Variants in TRIB2 observed in about 807,000 individuals in gnomAD.
The protein encoded by TRIB2 is tribbles homolog 2.
Under a neutral mutation model 26.8 loss-of-function variants are expected in TRIB2, and 2 were observed. The ratio of observed to expected loss-of-function variants is 0.07; its 90% CI spans 0.03 to 0.24. The LOEUF (loss-of-function observed/expected upper bound fraction) is 0.24. Among genes scored for constraint, TRIB2 ranks in the 10% least tolerant of loss-of-function variants. The pLI, the probability that TRIB2 is intolerant of heterozygous loss-of-function variation, is 1.00. For missense variants in TRIB2, 306 were observed against 449.0 expected (o/e 0.68, Z 2.88); for synonymous variants, 189 against 187.3 (o/e 1.01, Z -0.08).
In TRIB2 at chr2:12,741,044, A is replaced by G. The variant is rs577722874; in HGVS notation, c.*250A>G. On this transcript the variant is annotated 3_prime_UTR_variant, in exon 3 of 3. Coordinates refer to ENST00000155926, the MANE Select transcript of TRIB2 (RefSeq NM_021643.4). ...CTTGTCTTCCCTAACATAGCCTGGG[A>G]GACCACCCCTTGCCACTTGGGCCAC... The G allele has an allele frequency of 4.1e-6, 2 of 483,204 alleles. No individual in the cohort carries two copies. The highest frequency in any genetic ancestry group is 5.9e-5 in the South Asian group (2 of 33,876). 29.9% of individuals were successfully genotyped at this position (483,204 alleles called of 1,614,324 possible).
At chr2:12,719,648 C>T (rs186142524) in intron 1 of TRIB2, among the ~76,000 whole-genome samples, 3 of 149,852 alleles carry the variant, frequency 2.0e-5, no homozygotes, top group Admixed American at 1.3e-4. Context: ...TCACTGGGCA[C>T]GGTTGTGCTG....
At position 12,718,488 on chromosome 2, in the gene TRIB2, A is replaced by G; in HGVS notation, c.181A>G (p.Ile61Val). 1 of 1,614,152 alleles carries G rather than the reference A, an allele frequency of 6.2e-7. No homozygotes were observed. Among genetic ancestry groups the G allele is most frequent in the Non-Finnish European group, 8.5e-7 (1 of 1,180,032 alleles). ...TPNLSHCVSCIGKYLLLEPLE... is the reference protein window; with the variant it reads ...TPNLSHCVSCVGKYLLLEPLE... Reference sequence around the variant, plus strand: ...GAACTTGTCGCATTGCGTTTCTTGTATCGGGAAATACTTATTGTTGGAACC... The same window carrying G: ...GAACTTGTCGCATTGCGTTTCTTGTGTCGGGAAATACTTATTGTTGGAACC... The change falls in exon 1 of 3, where the codon ATC becomes GTC. Residue 61 changes from isoleucine (I) to valine (V), a missense_variant. Physicochemically the swap from Ile to Val is conservative, Grantham distance 29 (BLOSUM62 3). This residue lies in a region of TRIB2 where 99 missense variants were observed against 106.5 expected (regional missense o/e 0.93). Transcript: ENST00000155926. This position sits in a 1 kb window ranked among gnomAD's most constrained non-coding sequence, Gnocchi z 4.0.
At chr2:12,739,861 T>G (rs1179188944) in intron 2 of TRIB2, among the ~76,000 whole-genome samples, 5 of 152,226 alleles carry the variant, frequency 3.3e-5, no homozygotes, top group Non-Finnish European at 7.3e-5. Context: ...AAGGTCTTTG[T>G]GGACTGTGGT....
In TRIB2 at chr2:12,740,400, A is replaced by G. The variant is rs1239537522; in HGVS notation, c.638A>G (p.His213Arg). The change falls in exon 3 of 3, where the codon CAT (histidine) becomes CGT (arginine). Residue 213 changes from histidine to arginine, a missense_variant. His to Arg is a conservative substitution (Grantham distance 29). Transcript: ENST00000155926. The surrounding 1 kb of genome is among the most constrained non-coding windows in gnomAD (Gnocchi z 5.8). ...RGDDDSLSDK[H>R]GCPAYVSPEI... ...GATGATGATTCCCTCTCCGACAAGC[A>G]TGGCTGCCCGGCTTACGTAAGCCCA... 16 of 1,614,062 alleles carry G rather than the reference A, an allele frequency of 9.9e-6. No homozygotes were observed. Among genetic ancestry groups the G allele is most frequent in the African/African-American group, 2.7e-5 (2 of 74,924 alleles).
At chr2:12,730,742 C>T (rs1240890886) in intron 2 of TRIB2, among the ~76,000 whole-genome samples, 2 of 152,200 alleles carry the variant, frequency 1.3e-5, no homozygotes, top group South Asian at 4.1e-4. Context: ...CAAATAGCCC[C>T]TTATGTCCCG....
At position 12,718,841 on chromosome 2, in the gene TRIB2, C is replaced by T. The variant is rs1285447752; in HGVS notation, c.270+264C>T. 6.6e-6 allele frequency among the ~76,000 whole-genome samples: 1 copy of T among 152,092 alleles called. No individual in the cohort carries two copies. Among genetic ancestry groups the T allele is most frequent in the Non-Finnish European group, 1.5e-5 (1 of 68,018 alleles). ...GGACTGCGCGGGGGCCACGGACACG[C>T]GTGCACCGAAGGCTCCAGGAGCTCT... On this transcript the variant is annotated intron_variant, in intron 1 of 2. Transcript: ENST00000155926. This position sits in a 1 kb window ranked among gnomAD's most constrained non-coding sequence, Gnocchi z 4.0.
intron 1 of TRIB2, among the ~76,000 whole-genome samples, chr2:12,722,580 C>T (rs1661243940): frequency 6.6e-6 from 1 of 152,172 alleles, no homozygotes; most frequent in African/African-American, 2.4e-5. Flanking sequence ...AAAATCATTG[C>T]ATAACTGGTT....
rs1661305191 is a variant in TRIB2, at chr2:12,724,919, T to G, written c.563+1367T>G. On this transcript the variant is annotated intron_variant, in intron 2 of 2. Coordinates refer to ENST00000155926, the MANE Select transcript of TRIB2 (RefSeq NM_021643.4). ...TGTATGTTCCACCTTTCTTGGAGAT[T>G]TAATAACTGCACCTACAAAAATAAG... 2.0e-6 allele frequency: 3 copies of G among 1,478,018 alleles called. No individual in the cohort carries two copies. In the South Asian group the frequency reaches 4.3e-5, roughly 21 times the overall value. The allele number at this position is 1,478,018 out of a possible 1,614,324, so 91.6% of individuals were successfully genotyped here.
chr2:12,724,330 A>G (rs1342633099), intron 2 of TRIB2, among the ~76,000 whole-genome samples: 1 of 152,212 alleles, frequency 6.6e-6, no homozygotes, highest in African/African-American at 2.4e-5. Context: ...TTAACTCATT[A>G]CCTTCTATTT....
chr2:12,717,976 C>T lies in TRIB2; in HGVS notation c.-332C>T, dbSNP rs1320739213. The T allele has an allele frequency of 3.2e-6, 1 of 317,054 alleles. No homozygotes were observed. Among genetic ancestry groups the T allele is most frequent in the Non-Finnish European group, 5.8e-6 (1 of 172,426 alleles). The allele number at this position is 317,054 out of a possible 1,614,324, so 19.6% of individuals were successfully genotyped here. On this transcript the variant is annotated 5_prime_UTR_variant, in exon 1 of 3. Coordinates refer to ENST00000155926, the MANE Select transcript of TRIB2 (RefSeq NM_021643.4). The surrounding 1 kb of genome is among the most constrained non-coding windows in gnomAD (Gnocchi z 4.8). ...CGCTGCAGCTCCGCACCTTAGCAGC[C>T]CGGGTACTCATCCAGATCCACGCCG...
rs1405969907 is a variant in TRIB2 at position 12,741,346 on chromosome 2, T to G, written c.*552T>G. 1.3e-5 allele frequency: 2 copies of G among 154,324 alleles called. No homozygotes were observed. The highest frequency in any genetic ancestry group is 2.9e-5 in the Non-Finnish European group (2 of 69,246). 9.6% of individuals were successfully genotyped at this position (154,324 alleles called of 1,614,324 possible). ...AGTAAAAGAAAACAAAAGTCCAGTT[T>G]GTGTCTCTTAATCGCTCACTTCAAC... On this transcript the variant is annotated 3_prime_UTR_variant, in exon 3 of 3. Coordinates refer to ENST00000155926, the MANE Select transcript of TRIB2 (RefSeq NM_021643.4).
Position 12,732,611 on chromosome 2 carries a change from T to C in TRIB2, c.564-7715T>C, listed in dbSNP as rs1189644366. Among the ~76,000 whole-genome samples the C allele has an allele frequency of 3.3e-5, 5 of 152,194 alleles. No individual in the cohort carries two copies. Among genetic ancestry groups the C allele is most frequent in the African/African-American group, 1.2e-4 (5 of 41,454 alleles). On this transcript the variant is annotated intron_variant, in intron 2 of 2. Coordinates refer to ENST00000155926, the MANE Select transcript of TRIB2 (RefSeq NM_021643.4). The surrounding 1 kb of genome is among the most constrained non-coding windows in gnomAD (Gnocchi z 4.2). ...CAGAGGTGGCTCTCAGAGGTGACTG[T>C]TGGAAAAGTCTGTGCATACATGAAC...
intron 1 of TRIB2, among the ~76,000 whole-genome samples, chr2:12,720,576 G>T (rs1449371080): frequency 6.6e-6 from 1 of 152,148 alleles, no homozygotes; most frequent in Non-Finnish European, 1.5e-5. Context: ...TTACTTTAAG[G>T]CTCAGTGAAA....
chr2:12,729,652 C>T (rs79110076), intron 2 of TRIB2, among the ~76,000 whole-genome samples: 7 of 152,122 alleles, frequency 4.6e-5, no homozygotes, highest in Admixed American at 3.3e-4. Context: ...TTTCTAATCA[C>T]GGTTAGAAAG....
chr2:12,740,467 C>T lies in TRIB2; in HGVS notation c.705C>T (p.Ala235=), dbSNP rs759295610. ...GTGGCAGCTACTCGGGCAAAGCAGC[C>T]GACGTGTGGAGCCTGGGGGTGATGC... is the stretch of plus-strand genomic sequence containing the variant. ...NTSGSYSGKA[A]DVWSLGVMLY... is the part of the protein sequence containing the mutation. Residue 235 remains alanine (A), a synonymous_variant, in exon 3 of 3, where the codon GCC becomes GCT. Transcript: ENST00000155926. This position sits in a 1 kb window ranked among gnomAD's most constrained non-coding sequence, Gnocchi z 5.8. 1.4e-5 allele frequency: 22 copies of T among 1,614,004 alleles called. No homozygotes were observed. Among genetic ancestry groups the T allele is most frequent in the Admixed American group, 1.7e-5 (1 of 60,008 alleles).
chr2:12,733,492 T>C (rs1661500208), intron 2 of TRIB2, among the ~76,000 whole-genome samples: 1 of 152,240 alleles, frequency 6.6e-6, no homozygotes, highest in Non-Finnish European at 1.5e-5. Context: ...TCTCTGTGTA[T>C]GGCCTAGGGC....
At chr2:12,734,778 G>T (rs1313563308) in intron 2 of TRIB2, among the ~76,000 whole-genome samples, 2 of 152,158 alleles carry the variant, frequency 1.3e-5, no homozygotes, top group East Asian at 3.9e-4. Flanking sequence ...ATGACTAGTG[G>T]GACATTTGAA....
In TRIB2 at chr2:12,732,337, A is replaced by G. The variant is rs1418550168; in HGVS notation, c.564-7989A>G. Among the ~76,000 whole-genome samples the G allele has an allele frequency of 6.6e-6, 1 of 152,166 alleles. No individual in the cohort carries two copies. Among genetic ancestry groups the G allele is most frequent in the Non-Finnish European group, 1.5e-5 (1 of 68,020 alleles). Reference sequence around the variant, plus strand: ...TCCCATCCCAACTGTGCTATTTCCAAGCAAGTTCCTTCATCTGTCTCTAAG... The same window carrying G: ...TCCCATCCCAACTGTGCTATTTCCAGGCAAGTTCCTTCATCTGTCTCTAAG... On this transcript the variant is annotated intron_variant, in intron 2 of 2. Coordinates refer to ENST00000155926, the MANE Select transcript of TRIB2 (RefSeq NM_021643.4). The surrounding 1 kb of genome is among the most constrained non-coding windows in gnomAD (Gnocchi z 4.2).
intron 2 of TRIB2, chr2:12,724,578 G>A: frequency 6.4e-7 from 1 of 1,569,484 alleles, no homozygotes; most frequent in Non-Finnish European, 8.6e-7. Context: ...AGGGGCAGCT[G>A]TTGGAAGATT....
Sources: allele counts gnomAD v4.1 joint callset (sites outside exome capture counted in the v4.1 genomes callset), GRCh38; gene constraint gnomAD v4.1.1; regional missense constraint gnomAD v4.1.1; non-coding constraint Gnocchi (gnomAD v3.1); transcripts MANE v1.5; gene names NCBI Gene and HGNC (gene_info 2026-07-23, HGNC 2026-07-21).